Variants in PPP1R16A observed in about 807,000 individuals in gnomAD.
The protein encoded by PPP1R16A is protein phosphatase 1 regulatory subunit 16A.
In PPP1R16A, 39 loss-of-function variants were observed where a neutral mutation model predicts 46.6. The observed-to-expected ratio is 0.84, with a 90% CI of 0.65 to 1.09. The LOEUF (loss-of-function observed/expected upper bound fraction) is 1.09. PPP1R16A is among the 50% of genes least tolerant of loss of function. The probability of loss-of-function intolerance (pLI) is 0.00; values close to 1 mark genes in which losing one functional copy is unlikely to be tolerated. For synonymous variants in PPP1R16A, 413 were observed against 321.5 expected, an observed-to-expected ratio of 1.28 and a Z score of -3.04; for missense variants, 798 against 735.6, an observed-to-expected ratio of 1.08 and a Z score of -0.98.
chr8:144,500,138 C>G lies in PPP1R16A; in HGVS notation c.519C>G (p.Pro173=), dbSNP rs759655683. The G allele has an allele frequency of 1.2e-6, 2 of 1,612,442 alleles. No individual in the cohort carries two copies. Among genetic ancestry groups the G allele is most frequent in the South Asian group, 2.2e-5 (2 of 90,848 alleles). The change falls in exon 6 of 12, where the codon CCC becomes CCG. Residue 173 remains proline (P), a synonymous_variant. Coordinates refer to ENST00000435887, the MANE Select transcript of PPP1R16A (RefSeq NM_001329443.2). ...LLAVNTDGNM[P]YDLCDDEQTL... is the part of the protein sequence containing the mutation. ...CGGTCAACACCGACGGGAACATGCC[C>G]TATGACCTGTGTGATGATGAGCAGA...
chr8:144,488,655 C>T (rs961238708), intron 1 of PPP1R16A, among the ~76,000 whole-genome samples: 3 of 152,084 alleles, frequency 2.0e-5, no homozygotes, highest in Admixed American at 2.0e-4. Context: ...TCCACAAGAA[C>T]ATTAGACCAC....
chr8:144,497,409 GTGT>G lies in PPP1R16A; in HGVS notation c.219_221del (p.Val74del), dbSNP rs754912963. ...CTGAAGCAGGTCCTCTTCCCTCCCA[GTGT>G]TGTCCTTCTGGAGGCCGCTGCCCGA... is the stretch of plus-strand genomic sequence containing the variant. On this transcript the variant is annotated inframe_deletion, in exon 3 of 12. Transcript: ENST00000435887. 3.1e-6 allele frequency: 5 copies of G among 1,613,058 alleles called. No homozygotes were observed.
At position 144,501,992 on chromosome 8, in the gene PPP1R16A, ACGGAAACCC is replaced by A. The variant is rs1280551822; in HGVS notation, c.*93_*101del. The A allele has an allele frequency of 4.4e-6, 6 of 1,348,370 alleles. No individual in the cohort carries two copies. The highest frequency in any genetic ancestry group is 5.9e-6 in the Non-Finnish European group (6 of 1,019,658). 83.5% of individuals were successfully genotyped at this position (1,348,370 alleles called of 1,614,324 possible). Reference sequence around the variant, plus strand: ...CGTGCCCTGGTGCTGCGGGTGCAGCACGGAAACCCCGGCTTCTACTGTACAGGACACTGG... The same window carrying A: ...CGTGCCCTGGTGCTGCGGGTGCAGCACGGCTTCTACTGTACAGGACACTGG... On this transcript the variant is annotated 3_prime_UTR_variant, in exon 12 of 12. Transcript: ENST00000435887.
chr8:144,490,687 C>A (rs1471820195), intron 2 of PPP1R16A, among the ~76,000 whole-genome samples: 1 of 152,166 alleles, frequency 6.6e-6, no homozygotes, highest in Non-Finnish European at 1.5e-5. Flanking sequence ...AGAGACTGCA[C>A]CTTCAGAAGG....
At chr8:144,501,094 C>A in intron 10 of PPP1R16A, 35 bp from the exon 11 acceptor site, 1 of 1,602,864 alleles carries the variant, frequency 6.2e-7, no homozygotes, top group Non-Finnish European at 8.5e-7. Context: ...CGGGCACTCC[C>A]CTTCCCCTCA....
intron 3 of PPP1R16A, chr8:144,497,664 G>C (rs1233235521): frequency 4.2e-6 from 3 of 714,094 alleles, no homozygotes; most frequent in African/African-American, 3.5e-5. Context: ...GAGCCTGTGC[G>C]GGACAGCCGT....
chr8:144,501,939 C>T lies in PPP1R16A; in HGVS notation c.*36C>T. 1 of 1,482,472 alleles carries T rather than the reference C, an allele frequency of 6.7e-7. No individual in the cohort carries two copies. Among genetic ancestry groups the T allele is most frequent in the Non-Finnish European group, 8.9e-7 (1 of 1,118,102 alleles). The allele number at this position is 1,482,472 out of a possible 1,614,324, so 91.8% of individuals were successfully genotyped here. On this transcript the variant is annotated 3_prime_UTR_variant, in exon 12 of 12. Transcript: ENST00000435887. The stretch of plus-strand genomic sequence containing the variant: ...CAGCATGCAGGGGCCCTGTCGCGGG[C>T]ACAGCCCAAGGCTGCCTCCCCACGG...
At chr8:144,478,396 G>A in intron 1 of PPP1R16A, 1 of 336,960 alleles carries the variant, frequency 3.0e-6, no homozygotes, top group Middle Eastern at 7.6e-4. Flanking sequence ...GGCGCCCAGG[G>A]CACAGGTCCC....
intron 2 of PPP1R16A, among the ~76,000 whole-genome samples, chr8:144,495,070 G>A (rs1277187595): frequency 6.6e-6 from 1 of 152,208 alleles, no homozygotes; most frequent in African/African-American, 2.4e-5. Flanking sequence ...GTTACTGCCT[G>A]GAAAAGCTCT....
chr8:144,498,635 C>T (rs1315856448), intron 3 of PPP1R16A, 135 bp from the exon 4 acceptor site: 11 of 837,030 alleles, frequency 1.3e-5, no homozygotes, highest in Non-Finnish European at 1.6e-5. Context: ...TCTGCCCCCA[C>T]CCCTGGGCTC....
chr8:144,486,741 T>C (rs1825640469), intron 1 of PPP1R16A, among the ~76,000 whole-genome samples: 1 of 152,224 alleles, frequency 6.6e-6, no homozygotes, highest in South Asian at 2.1e-4. Flanking sequence ...ACTCGTGTGT[T>C]CTTGACAGCA....
intron 3 of PPP1R16A, chr8:144,498,251 C>CA (rs1826195543): frequency 1.4e-5 from 5 of 364,828 alleles, no homozygotes; most frequent in South Asian, 9.7e-5. Flanking sequence ...CAGGCACCGT[C>CA]AGGGAGAACC....
In PPP1R16A at chr8:144,485,323, G is replaced by A. The variant is rs552889858; in HGVS notation, c.-913-4711G>A. On this transcript the variant is annotated intron_variant, in intron 1 of 11. Transcript: ENST00000435887. Reference sequence around the variant, plus strand: ...GGATCACTTGAGGTCAGGAGTTCAAGAATAGCCTGGCCGACATGGTGAAAC... The same window carrying A: ...GGATCACTTGAGGTCAGGAGTTCAAAAATAGCCTGGCCGACATGGTGAAAC... Among the ~76,000 whole-genome samples the A allele has an allele frequency of 1.2e-4, 17 of 145,936 alleles. No individual in the cohort carries two copies. In the South Asian group the frequency reaches 3.7e-3, roughly 31 times the overall value.
chr8:144,480,112 A>G (rs1487936315), intron 1 of PPP1R16A, among the ~76,000 whole-genome samples: 1 of 152,252 alleles, frequency 6.6e-6, no homozygotes, highest in Non-Finnish European at 1.5e-5. Context: ...GTTGCACTTA[A>G]GATGTGATCC....
intron 1 of PPP1R16A, among the ~76,000 whole-genome samples, chr8:144,479,626 T>TA (rs1825320786): frequency 6.6e-6 from 1 of 152,176 alleles, no homozygotes; most frequent in Non-Finnish European, 1.5e-5. Context: ...AGCCGATTGA[T>TA]ACAGCTCTCC....
At position 144,492,334 on chromosome 8, in the gene PPP1R16A, C is replaced by CTT. The variant is rs5895821; in HGVS notation, c.-735+2140_-735+2141dup. 2.6e-3 allele frequency among the ~76,000 whole-genome samples: 343 copies of CTT among 131,738 alleles called. 6 individuals are homozygous for CTT. The East Asian group carries it at 0.028, about 11-fold the overall frequency. 86.4% of individuals were successfully genotyped at this position (131,738 alleles called of 152,430 possible). On this transcript the variant is annotated intron_variant, in intron 2 of 11. Coordinates refer to ENST00000435887, the MANE Select transcript of PPP1R16A (RefSeq NM_001329443.2). ...AGAAATGGGGCTGTCAAAAGGTGTA[C>CTT]TTTTTTTTTTTTTTTTTTTGATAGG...
At chr8:144,494,858 C>T (rs1247337074) in intron 2 of PPP1R16A, among the ~76,000 whole-genome samples, 1 of 152,118 alleles carries the variant, frequency 6.6e-6, no homozygotes. Flanking sequence ...GTGTGGTCTG[C>T]CTCCTCTGTC....
intron 5 of PPP1R16A, 21 bp from the exon 6 acceptor site, chr8:144,500,075 C>T (rs1158824855): frequency 1.9e-6 from 3 of 1,591,276 alleles, no homozygotes; most frequent in Admixed American, 3.5e-5. Context: ...GTGCCCAGCA[C>T]CCCGTCCGTC....
rs750567138 is a variant in PPP1R16A at position 144,499,054 on chromosome 8, A to C, written c.469A>C (p.Ile157Leu). ...CCACCTGCACCTGGTGGAGCTGCTC[A>C]TCGCCAGGTAGGGCCTGTTGGGCGT... ...CGHLHLVELL[I>L]ASGANLLAVN... is the part of the protein sequence containing the mutation. The change falls in exon 5 of 12, where the codon ATC becomes CTC. Residue 157 changes from isoleucine (I) to leucine (L), a missense_variant. Ile to Leu is a conservative substitution (Grantham distance 5). Coordinates refer to ENST00000435887, the MANE Select transcript of PPP1R16A (RefSeq NM_001329443.2). 3 of 1,579,076 alleles carry C rather than the reference A, an allele frequency of 1.9e-6. No homozygotes were observed. The African/African-American group carries it at 4.0e-5, about 21-fold the overall frequency.
Sources: gnomAD v4.1 joint callset for allele counts (sites outside exome capture counted in the v4.1 genomes callset) on GRCh38, gnomAD v4.1.1 for gene constraint, MANE v1.5 for transcripts, NCBI Gene and HGNC (gene_info 2026-07-23, HGNC 2026-07-21) for gene names.